Variants in LIX1 observed in about 807,000 individuals in gnomAD.
LIX1 encodes the protein protein limb expression 1 homolog.
In LIX1, 24 loss-of-function variants were observed where a neutral mutation model predicts 33.4. The observed-to-expected ratio is 0.72, with a 90% CI of 0.52 to 1.01. LIX1 has a LOEUF of 1.01. Ranked by LOEUF, LIX1 falls within the 50% of genes least tolerant of loss-of-function variation. The probability of loss-of-function intolerance (pLI) is 0.00; values close to 1 mark genes in which losing one functional copy is unlikely to be tolerated. For synonymous variants in LIX1, 124 were observed against 124.0 expected, an observed-to-expected ratio of 1.00 and a Z score of 0.00; for missense variants, 311 against 339.2, an observed-to-expected ratio of 0.92 and a Z score of 0.65.
intron 4 of LIX1, among the ~76,000 whole-genome samples, chr5:97,098,187 A>C (rs559634281): frequency 6.6e-6 from 1 of 152,324 alleles, no homozygotes; most frequent in South Asian, 2.1e-4. Flanking sequence ...AATACTCCTA[A>C]ATTTATAAAT....
chr5:97,113,819 T>C (rs1747541111), intron 2 of LIX1, among the ~76,000 whole-genome samples: 1 of 152,202 alleles, frequency 6.6e-6, no homozygotes, highest in Non-Finnish European at 1.5e-5. Flanking sequence ...CTTTTATGGG[T>C]CATTTTGATA....
intron 1 of LIX1, among the ~76,000 whole-genome samples, chr5:97,138,880 T>G (rs148433369): frequency 1.2e-3 from 187 of 152,316 alleles, no homozygotes; most frequent in African/African-American, 4.4e-3. Flanking sequence ...AAATGTTCAT[T>G]GAAGCATTTC....
chr5:97,099,115 G>C (rs942912059), intron 4 of LIX1, among the ~76,000 whole-genome samples: 4 of 138,772 alleles, frequency 2.9e-5, no homozygotes, highest in African/African-American at 1.2e-4. Flanking sequence ...CAGGGTCCTC[G>C]GTCCAGTGCC....
At chr5:97,117,621 A>T (rs1580234109) in intron 2 of LIX1, among the ~76,000 whole-genome samples, 1 of 152,340 alleles carries the variant, frequency 6.6e-6, no homozygotes, top group Middle Eastern at 3.4e-3. Context: ...ACGCGTTTTT[A>T]TGTCTGGTAA....
intron 4 of LIX1, among the ~76,000 whole-genome samples, chr5:97,099,923 T>A (rs1167588226): frequency 6.6e-6 from 1 of 152,210 alleles, no homozygotes; most frequent in Non-Finnish European, 1.5e-5. Context: ...CAGACACATA[T>A]ACTGGATTTA....
At position 97,133,611 on chromosome 5, in the gene LIX1, G is replaced by A. The variant is rs377334157; in HGVS notation, c.82+8884C>T. On this transcript the variant is annotated intron_variant, in intron 1 of 5. Coordinates refer to ENST00000274382, the MANE Select transcript of LIX1 (RefSeq NM_153234.5). Reference sequence around the variant, plus strand: ...ATTGTGCTATTTATTTCCAAGATAGGTGCAGAGTTCAGGGATAGAAAAGAG... The same window carrying A: ...ATTGTGCTATTTATTTCCAAGATAGATGCAGAGTTCAGGGATAGAAAAGAG... 2.6e-4 allele frequency among the ~76,000 whole-genome samples: 39 copies of A among 152,310 alleles called. 1 individual carries two copies. The South Asian group carries it at 7.9e-3, about 31-fold the overall frequency.
chr5:97,128,169 G>A lies in LIX1; in HGVS notation c.83-3540C>T, dbSNP rs563659352. Among the ~76,000 whole-genome samples, 41 of 152,262 alleles carry A rather than the reference G, an allele frequency of 2.7e-4. 1 individual carries two copies. The South Asian group carries it at 8.5e-3, about 32-fold the overall frequency. On this transcript the variant is annotated intron_variant, in intron 1 of 5. Transcript: ENST00000274382. The stretch of plus-strand genomic sequence containing the variant: ...ACATTGACTATCTCTGCTTCCTTAT[G>A]TTCCATTTATTTTTAACCTACTTCA...
At chr5:97,121,059 GA>G (rs1362053291) in intron 2 of LIX1, among the ~76,000 whole-genome samples, 2 of 152,034 alleles carry the variant, frequency 1.3e-5, no homozygotes, top group Non-Finnish European at 2.9e-5. Context: ...TCTTTTCAAA[GA>G]AATAGTTTTT....
At chr5:97,123,308 GT>G (rs554011842) in intron 2 of LIX1, among the ~76,000 whole-genome samples, 64 of 152,214 alleles carry the variant, frequency 4.2e-4, no homozygotes, top group Non-Finnish European at 8.1e-4. Flanking sequence ...GCTGTTCTCT[GT>G]TTGGCTTCCA....
intron 1 of LIX1, 124 bp from the exon 2 acceptor site, chr5:97,124,753 T>A: frequency 1.6e-6 from 1 of 612,448 alleles, no homozygotes; most frequent in Non-Finnish European, 2.7e-6. Context: ...GCTGGGTATG[T>A]GGATAGTGGG....
At position 97,114,745 on chromosome 5, in the gene LIX1, C is replaced by T. The variant is rs1017257640; in HGVS notation, c.247-7245G>A. Among the ~76,000 whole-genome samples, 4 of 152,140 alleles carry T rather than the reference C, an allele frequency of 2.6e-5. No homozygotes were observed. In the East Asian group the frequency reaches 5.8e-4, roughly 22 times the overall value. On this transcript the variant is annotated intron_variant, in intron 2 of 5. Coordinates refer to ENST00000274382, the MANE Select transcript of LIX1 (RefSeq NM_153234.5). ...CCTCTGCCCCTGCCATGTCTCATTTCCAACAGGCAGGAGCAGAACCAAGTT... is the reference window on the plus strand; with the variant it reads ...CCTCTGCCCCTGCCATGTCTCATTTTCAACAGGCAGGAGCAGAACCAAGTT...
At chr5:97,128,412 C>T (rs1561503248) in intron 1 of LIX1, among the ~76,000 whole-genome samples, 1 of 152,102 alleles carries the variant, frequency 6.6e-6, no homozygotes, top group East Asian at 1.9e-4. Context: ...TTCCTCTGCT[C>T]ACTACTCATG....
chr5:97,105,330 C>T (rs758403003), intron 3 of LIX1, 45 bp from the exon 4 acceptor site: 23 of 1,508,256 alleles, frequency 1.5e-5, no homozygotes, highest in Non-Finnish European at 1.8e-5. Flanking sequence ...ATTTTTCCTC[C>T]TCTTCTTTGA....
intron 1 of LIX1, 103 bp from the exon 2 acceptor site, chr5:97,124,732 G>A (rs1297881230): frequency 1.1e-6 from 1 of 921,976 alleles, no homozygotes; most frequent in Non-Finnish European, 1.6e-6. Context: ...GACAGTTCCA[G>A]TTTAAGTAGA....
In LIX1 at chr5:97,096,885, C is replaced by T. The variant is rs377672260; in HGVS notation, c.486G>A (p.Glu162=). 5.6e-6 allele frequency: 9 copies of T among 1,613,472 alleles called. No homozygotes were observed. In the African/African-American group the frequency reaches 1.1e-4, roughly 19 times the overall value. ...GCAATAGTTGGAAAATGGTCATCAG[C>T]TCCTACAAAACCCAAACACCTATCA... is the stretch of plus-strand genomic sequence containing the variant. ...NMGKTMLEFQ[E]LMTIFQLLHW... is the part of the protein sequence containing the mutation. Residue 162 remains glutamate, a splice_region_variant and synonymous_variant, in exon 5 of 6, where the codon GAG becomes GAA. Transcript: ENST00000274382.
intron 3 of LIX1, among the ~76,000 whole-genome samples, chr5:97,107,049 G>A (rs1747084829): frequency 6.6e-6 from 1 of 152,092 alleles, no homozygotes; most frequent in Admixed American, 6.6e-5. Context: ...TGCGTTCTCA[G>A]GCCCTAAAAG....
chr5:97,135,741 C>A (rs1052820899), intron 1 of LIX1, among the ~76,000 whole-genome samples: 1 of 152,064 alleles, frequency 6.6e-6, no homozygotes, highest in South Asian at 2.1e-4. Context: ...ATCCCTTGAA[C>A]CCAGGAGGCA....
chr5:97,116,353 T>C (rs1393829285), intron 2 of LIX1, among the ~76,000 whole-genome samples: 2 of 152,148 alleles, frequency 1.3e-5, no homozygotes, highest in Non-Finnish European at 2.9e-5. Flanking sequence ...ATATCGTGTC[T>C]ATCCATAGGT....
intron 1 of LIX1, among the ~76,000 whole-genome samples, chr5:97,132,228 C>T (rs1748072254): frequency 6.6e-6 from 1 of 152,076 alleles, no homozygotes; most frequent in Non-Finnish European, 1.5e-5. Context: ...GGTCTCTGCC[C>T]ACGGAGATTT....
Sources: gnomAD v4.1 joint callset for allele counts (sites outside exome capture counted in the v4.1 genomes callset) on GRCh38, gnomAD v4.1.1 for gene constraint, MANE v1.5 for transcripts, NCBI Gene and HGNC (gene_info 2026-07-23, HGNC 2026-07-21) for gene names.